The following CUEDC1 variants were observed in gnomAD, a reference collection of about 807,000 sequenced individuals.
CUEDC1 encodes CUE domain-containing protein 1.
In CUEDC1, 30 loss-of-function variants were observed where a neutral mutation model predicts 43.7. That is an observed-to-expected ratio of 0.69 (90% CI 0.51 to 0.93). The LOEUF (loss-of-function observed/expected upper bound fraction) is 0.93. CUEDC1 is among the 40% of genes least tolerant of loss of function. The pLI is 0.00. For synonymous variants in CUEDC1, 223 were observed against 223.6 expected, an observed-to-expected ratio of 1.00 and a Z score of 0.02; for missense variants, 486 against 549.0, an observed-to-expected ratio of 0.89 and a Z score of 1.15.
At position 57,930,458 on chromosome 17, in the gene CUEDC1, C is replaced by A. The variant is rs1358415320; in HGVS notation, c.-316+24767G>T. ...TTTATCCTGAGTCAGAAACCAAAGC[C>A]CTCTCCGTCCCAGGGGTTTAACAGA... is the stretch of plus-strand genomic sequence containing the variant. On this transcript the variant is annotated intron_variant, in intron 1 of 10. Coordinates refer to ENST00000577830, the MANE Select transcript of CUEDC1 (RefSeq NM_001271875.2). This position sits in a 1 kb window ranked among gnomAD's most constrained non-coding sequence, Gnocchi z 4.2. Among the ~76,000 whole-genome samples, 1 of 152,224 alleles carries A rather than the reference C, an allele frequency of 6.6e-6. No homozygotes were observed. Among genetic ancestry groups the A allele is most frequent in the African/African-American group, 2.4e-5 (1 of 41,460 alleles).
rs1247980657 is a variant in CUEDC1, at chr17:57,861,257, A to C, written c.*2032T>G. The stretch of plus-strand genomic sequence containing the variant: ...AACCTCCAGTCTGCCTTTAATCCAG[A>C]AGCTGTTTATTTAGGGAGGTGGCCG... On this transcript the variant is annotated 3_prime_UTR_variant, in exon 11 of 11. Coordinates refer to ENST00000577830, the MANE Select transcript of CUEDC1 (RefSeq NM_001271875.2). 2 of 152,220 alleles carry C rather than the reference A, an allele frequency of 1.3e-5. No homozygotes were observed. Among genetic ancestry groups the C allele is most frequent in the African/African-American group, 4.8e-5 (2 of 41,416 alleles). 9.4% of individuals were successfully genotyped at this position (152,220 alleles called of 1,614,324 possible).
chr17:57,866,575 C>G (rs370180660), intron 9 of CUEDC1, 31 bp from the exon 10 acceptor site: 12 of 1,613,078 alleles, frequency 7.4e-6, no homozygotes, highest in African/African-American at 2.7e-5. Context: ...GCCTCATCCT[C>G]TACCCTGCAG....
intron 1 of CUEDC1, among the ~76,000 whole-genome samples, chr17:57,905,249 GACACACACACACACACACACAC>G (rs761744709): frequency 7.8e-6 from 1 of 127,928 alleles, no homozygotes; most frequent in Non-Finnish European, 1.6e-5. Context: ...CTCTCTCTCT[GACACACACACACACACACACAC>G]ACACACACAC....
Position 57,937,559 on chromosome 17 carries a change from G to A in CUEDC1, c.-316+17666C>T, listed in dbSNP as rs374593771. On this transcript the variant is annotated intron_variant, in intron 1 of 10. Transcript: ENST00000577830. ...TGGGAGGTCTAGGTTGCAGTAAGCC[G>A]AGACTGTGCCACTGCACTCCAGCCT... is the stretch of plus-strand genomic sequence containing the variant. Among the ~76,000 whole-genome samples, 83 of 151,208 alleles carry A rather than the reference G, an allele frequency of 5.5e-4. 1 individual carries two copies. In the South Asian group the frequency reaches 0.015, roughly 28 times the overall value.
intron 1 of CUEDC1, among the ~76,000 whole-genome samples, chr17:57,894,157 A>C (rs2074385306): frequency 6.6e-6 from 1 of 152,234 alleles, no homozygotes; most frequent in South Asian, 2.1e-4. Flanking sequence ...TTTGCCAGGA[A>C]GAAGCCCCAC....
At chr17:57,872,270 A>G (rs1349929077) in intron 5 of CUEDC1, among the ~76,000 whole-genome samples, 1 of 152,186 alleles carries the variant, frequency 6.6e-6, no homozygotes, top group Non-Finnish European at 1.5e-5. Context: ...CCTGGCCTTC[A>G]TGAACCCAGT....
intron 1 of CUEDC1, among the ~76,000 whole-genome samples, chr17:57,953,478 T>A (rs1598032557): frequency 6.6e-6 from 1 of 152,318 alleles, no homozygotes; most frequent in East Asian, 1.9e-4. Flanking sequence ...AACCCTGGGA[T>A]TATTCACTGA....
chr17:57,866,917 C>T (rs766276791), intron 9 of CUEDC1: 5 of 345,546 alleles, frequency 1.4e-5, no homozygotes, highest in Admixed American at 4.2e-5. Context: ...GGTTCAGCTG[C>T]GGGCCCAGGA....
rs529698018 is a variant in CUEDC1 at position 57,867,864 on chromosome 17, G to A, written c.1034+286C>T. 2.0e-5 allele frequency among the ~76,000 whole-genome samples: 3 copies of A among 152,322 alleles called. No individual in the cohort carries two copies. In the South Asian group the frequency reaches 6.2e-4, roughly 32 times the overall value. Reference sequence around the variant, plus strand: ...GAAGAACCACTTTTTCTCCCAAGAAGTACATAACCTCAGACCAAAAAAAAA... The same window carrying A: ...GAAGAACCACTTTTTCTCCCAAGAAATACATAACCTCAGACCAAAAAAAAA... On this transcript the variant is annotated intron_variant, in intron 8 of 10. Transcript: ENST00000577830.
chr17:57,929,245 C>T (rs1156305880), intron 1 of CUEDC1, among the ~76,000 whole-genome samples: 1 of 152,130 alleles, frequency 6.6e-6, no homozygotes, highest in Admixed American at 6.5e-5. Flanking sequence ...AATCCTCACC[C>T]CTGCCCTATG....
At chr17:57,952,192 CATTTT>C (rs543420472) in intron 1 of CUEDC1, among the ~76,000 whole-genome samples, 22 of 151,380 alleles carry the variant, frequency 1.5e-4, no homozygotes, top group South Asian at 4.2e-4. Flanking sequence ...CAATGCCCTT[CATTTT>C]ATTTTATTTT....
chr17:57,896,485 GGGGTGT>G (rs1227083906), intron 1 of CUEDC1, among the ~76,000 whole-genome samples: 4 of 32,806 alleles, frequency 1.2e-4, no homozygotes, highest in African/African-American at 4.7e-4. Context: ...AGTGCATTAT[GGGGTGT>G]GTGTGTGTGT....
intron 5 of CUEDC1, among the ~76,000 whole-genome samples, chr17:57,871,603 C>A (rs2074035618): frequency 1.3e-5 from 2 of 152,204 alleles, no homozygotes; most frequent in African/African-American, 4.8e-5. Flanking sequence ...CTCAGAGAGA[C>A]TGTAGAGTCC....
chr17:57,932,164 C>T (rs1319825329), intron 1 of CUEDC1, among the ~76,000 whole-genome samples: 1 of 151,876 alleles, frequency 6.6e-6, no homozygotes, highest in East Asian at 1.9e-4. Flanking sequence ...TGCCTGTAAT[C>T]CCAGCTACTC....
intron 3 of CUEDC1, 121 bp from the exon 4 acceptor site, chr17:57,873,838 C>T: frequency 1.9e-6 from 2 of 1,055,330 alleles, no homozygotes; most frequent in Non-Finnish European, 2.6e-6. Flanking sequence ...ATGGCCTCCA[C>T]TGCCTCCAGA....
At position 57,885,603 on chromosome 17, in the gene CUEDC1, G is replaced by A. The variant is rs542784421; in HGVS notation, c.-39C>T. ...TTGGGGAAAATGTTTCTAGCCGGCC[G>A]CAAAGCCCCTTCCCCAGGGTCTTTC... On this transcript the variant is annotated 5_prime_UTR_variant, in exon 2 of 11. Transcript: ENST00000577830. 56 of 1,344,058 alleles carry A rather than the reference G, an allele frequency of 4.2e-5. No homozygotes were observed. The highest frequency in any genetic ancestry group is 4.8e-5 in the Non-Finnish European group (51 of 1,053,846). The allele number at this position is 1,344,058 out of a possible 1,614,324, so 83.3% of individuals were successfully genotyped here.
intron 1 of CUEDC1, chr17:57,914,977 C>T (rs913445819): frequency 3.9e-5 from 6 of 152,190 alleles, no homozygotes; most frequent in Non-Finnish European, 1.5e-5. Context: ...TCACACCAAC[C>T]CAATGAGGCA....
chr17:57,914,638 G>C (rs2074619351), intron 1 of CUEDC1, among the ~76,000 whole-genome samples: 1 of 152,206 alleles, frequency 6.6e-6, no homozygotes, highest in Non-Finnish European at 1.5e-5. Context: ...TGGGGCCTTG[G>C]CATGAAAGGG....
chr17:57,938,463 C>T (rs1174497790), intron 1 of CUEDC1, among the ~76,000 whole-genome samples: 2 of 152,004 alleles, frequency 1.3e-5, no homozygotes, highest in African/African-American at 4.8e-5. Flanking sequence ...ATAATCCTTC[C>T]CATGCCCCTT....
Sources: allele counts gnomAD v4.1 joint callset (sites outside exome capture counted in the v4.1 genomes callset), GRCh38; gene constraint gnomAD v4.1.1; non-coding constraint Gnocchi (gnomAD v3.1); transcripts MANE v1.5; gene names NCBI Gene and HGNC (gene_info 2026-07-23, HGNC 2026-07-21).